The following KIF1B variants were observed in gnomAD, a reference collection of about 807,000 sequenced individuals.
KIF1B encodes kinesin-like protein KIF1B.
Under a neutral mutation model 241.9 loss-of-function variants are expected in KIF1B, and 76 were observed. That is an observed-to-expected ratio of 0.31 (90% CI 0.26 to 0.38). The LOEUF is 0.38. Ranked by LOEUF, KIF1B falls within the 10% of genes least tolerant of loss-of-function variation. The pLI, the probability that KIF1B is intolerant of heterozygous loss-of-function variation, is 1.00. For missense variants in KIF1B, 1,622 were observed against 2,271.4 expected, an observed-to-expected ratio of 0.71 and a Z score of 5.81; for synonymous variants, 750 against 796.7, an observed-to-expected ratio of 0.94 and a Z score of 0.99.
intron 22 of KIF1B, among the ~76,000 whole-genome samples, 172 bp downstream of exon 22, chr1:10,297,418 G>GA (rs1466972320): frequency 6.6e-6 from 1 of 152,066 alleles, no homozygotes; most frequent in Non-Finnish European, 1.5e-5. Context: ...GCCTTAGCCT[G>GA]AAAAAATAGT....
chr1:10,284,791 G>A (rs1382413190), intron 15 of KIF1B, among the ~76,000 whole-genome samples: 1 of 152,114 alleles, frequency 6.6e-6, no homozygotes, highest in Non-Finnish European at 1.5e-5. Context: ...GAACCCAGGA[G>A]GCGGAGGTTA....
chr1:10,315,570 T>C (rs539180290), intron 22 of KIF1B, among the ~76,000 whole-genome samples: 2 of 151,588 alleles, frequency 1.3e-5, no homozygotes, highest in Non-Finnish European at 2.9e-5. Context: ...CATTTTCAAA[T>C]TTCGTTAATT....
chr1:10,235,746 C>T (rs967811316), intron 2 of KIF1B, among the ~76,000 whole-genome samples: 4 of 151,468 alleles, frequency 2.6e-5, no homozygotes, highest in South Asian at 2.1e-4. Flanking sequence ...CCTGTAATCT[C>T]AGCTACTCAG....
intron 45 of KIF1B, 99 bp downstream of exon 45, chr1:10,371,361 CT>C: frequency 1.4e-6 from 2 of 1,403,604 alleles, no homozygotes; most frequent in Non-Finnish European, 2.0e-6. Context: ...GCAGCACCTT[CT>C]CCCTAGGCAG....
chr1:10,292,247 C>A, intron 17 of KIF1B, 125 bp downstream of exon 17: 1 of 759,718 alleles, frequency 1.3e-6, no homozygotes, highest in Non-Finnish European at 2.3e-6. Context: ...GCCTTAATTT[C>A]AGATATTTCT....
At chr1:10,213,419 C>T (rs544399930) in intron 1 of KIF1B, among the ~76,000 whole-genome samples, 1 of 152,086 alleles carries the variant, frequency 6.6e-6, no homozygotes, top group African/African-American at 2.4e-5. Context: ...ATTTTGATTT[C>T]GTGCAGGGAA....
At chr1:10,241,516 C>G (rs956506696) in intron 2 of KIF1B, among the ~76,000 whole-genome samples, 20 of 152,086 alleles carry the variant, frequency 1.3e-4, no homozygotes, top group African/African-American at 4.8e-4. Flanking sequence ...TTCGGAGTTT[C>G]TTTTTATTAC....
rs754723677 is a variant in KIF1B, at chr1:10,363,294, C to T, written c.4316C>T (p.Thr1439Ile). 1.9e-6 allele frequency: 3 copies of T among 1,613,184 alleles called. No individual in the cohort carries two copies. The highest frequency in any genetic ancestry group is 2.5e-6 in the Non-Finnish European group (3 of 1,179,160). Residue 1439 changes from threonine to isoleucine, a missense_variant, in exon 41 of 49, where the codon ACT becomes ATT. Around this residue, in one of 7 missense-constraint regions of KIF1B, gnomAD observed 803 missense variants for 1,112.0 expected, o/e 0.72. Transcript: ENST00000676179. ...YSKSPDSNRV[T>I]GIYELSLCKM... is the part of the protein sequence containing the mutation. ...TTTTCTTCAAATAGGAATCGAGTCA[C>T]TGGCATTTACGAACTCAGCTTATGC... is the stretch of plus-strand genomic sequence containing the variant.
intron 2 of KIF1B, among the ~76,000 whole-genome samples, chr1:10,252,012 A>C (rs1647479067): frequency 6.6e-6 from 1 of 151,856 alleles, no homozygotes; most frequent in African/African-American, 2.4e-5. Context: ...TAGAAACTAC[A>C]GTCCTCCTAG....
intron 5 of KIF1B, among the ~76,000 whole-genome samples, chr1:10,267,027 T>TG (rs1648502353): frequency 6.6e-6 from 1 of 152,042 alleles, no homozygotes; most frequent in African/African-American, 2.4e-5. Flanking sequence ...TTCTTTCTTT[T>TG]TTTTTATTAA....
chr1:10,212,374 A>G (rs1203874286), intron 1 of KIF1B, among the ~76,000 whole-genome samples: 1 of 152,236 alleles, frequency 6.6e-6, no homozygotes, highest in East Asian at 1.9e-4. Flanking sequence ...AAGGTGGAAT[A>G]TGAGAATTAC....
At chr1:10,220,504 A>G (rs1646830600) in intron 1 of KIF1B, among the ~76,000 whole-genome samples, 1 of 152,150 alleles carries the variant, frequency 6.6e-6, no homozygotes, top group Non-Finnish European at 1.5e-5. Context: ...AAATACCTTT[A>G]CAAAATAAAA....
chr1:10,372,880 C>T (rs114084073), intron 45 of KIF1B, among the ~76,000 whole-genome samples: 2,894 of 151,724 alleles, frequency 0.019, 42 homozygotes, highest in Non-Finnish European at 0.028. Flanking sequence ...GTGGTGCAAT[C>T]TTGGCTCACT....
intron 37 of KIF1B, among the ~76,000 whole-genome samples, chr1:10,349,348 T>A (rs1652704805): frequency 6.6e-6 from 1 of 151,878 alleles, no homozygotes; most frequent in South Asian, 2.1e-4. Flanking sequence ...GGTGGGAGGA[T>A]CGCTTGAACT....
At chr1:10,221,260 G>C (rs1319184969) in intron 1 of KIF1B, among the ~76,000 whole-genome samples, 2 of 151,828 alleles carry the variant, frequency 1.3e-5, no homozygotes, top group African/African-American at 4.8e-5. Context: ...ACCACACCCA[G>C]CTAATTTTTG....
Position 10,375,372 on chromosome 1 carries a change from C to T in KIF1B, c.5407C>T (p.Arg1803Trp), listed in dbSNP as rs759957126. ...CAACCCACTTCTAGCTGGCACAATA[C>T]GGTAAGAAGTTTTGTTGTTGTTGTT... is the stretch of plus-strand genomic sequence containing the variant. ...AFNPLLAGTI[R>W]SKLSRRCPSQ... Residue 1803 changes from arginine to tryptophan, a missense_variant and splice_region_variant, in exon 48 of 49, where the codon CGG becomes TGG. By Grantham distance (101) the Arg-to-Trp change is moderately radical. Around this residue, in one of 7 missense-constraint regions of KIF1B, gnomAD observed 357 missense variants for 409.0 expected, o/e 0.87. Coordinates refer to ENST00000676179, the MANE Select transcript of KIF1B (RefSeq NM_001365951.3). The T allele has an allele frequency of 3.7e-6, 6 of 1,609,280 alleles. No homozygotes were observed. The highest frequency in any genetic ancestry group is 2.2e-5 in the East Asian group (1 of 44,888).
chr1:10,314,370 T>G (rs1173658260), intron 22 of KIF1B, among the ~76,000 whole-genome samples: 3 of 151,438 alleles, frequency 2.0e-5, no homozygotes, highest in Non-Finnish European at 2.9e-5. Flanking sequence ...GATGTTGATA[T>G]TTTGACTATC....
In KIF1B at chr1:10,210,810, C is replaced by CCCCCCGCG. The variant is rs897646395; in HGVS notation, c.-138_-131dup. On this transcript the variant is annotated 5_prime_UTR_variant, in exon 1 of 49. The change abolishes the stop of an existing upstream ORF in the 5' untranslated region. Transcript: ENST00000676179. The surrounding 1 kb of genome is among the most constrained non-coding windows in gnomAD (Gnocchi z 4.1). ...CGCGCTGAGGTGCGTCGGTGCCCGGCCCCCCGCGCCCCCGCGCGCCGCGGC... is the reference window on the plus strand; with the variant it reads ...CGCGCTGAGGTGCGTCGGTGCCCGGCCCCCCGCGCCCCCGCGCCCCCGCGCGCCGCGGC... 6.7e-6 allele frequency: 1 copy of CCCCCCGCG among 149,140 alleles called. No individual in the cohort carries two copies. Among genetic ancestry groups the CCCCCCGCG allele is most frequent in the African/African-American group, 2.4e-5 (1 of 41,124 alleles). 9.2% of individuals were successfully genotyped at this position (149,140 alleles called of 1,614,324 possible).
Position 10,331,756 on chromosome 1 carries a change from G to T in KIF1B, c.2925-2764G>T, listed in dbSNP as rs550630191. ...CTTTGTCTTTTGTCTTATGTTCGAA[G>T]ATCAGCATATACCAAATGGGAAGAC... On this transcript the variant is annotated intron_variant, in intron 27 of 48. Coordinates refer to ENST00000676179, the MANE Select transcript of KIF1B (RefSeq NM_001365951.3). Among the ~76,000 whole-genome samples, 3 of 152,332 alleles carry T rather than the reference G, an allele frequency of 2.0e-5. No individual in the cohort carries two copies. The East Asian group carries it at 5.8e-4, about 29-fold the overall frequency.
Sources: gnomAD v4.1 joint callset for allele counts (sites outside exome capture counted in the v4.1 genomes callset) on GRCh38, gnomAD v4.1.1 for gene constraint, gnomAD v4.1.1 regional missense constraint, Gnocchi (gnomAD v3.1) non-coding constraint, MANE v1.5 for transcripts, NCBI Gene and HGNC (gene_info 2026-07-23, HGNC 2026-07-21) for gene names.